CSMD2: variants seen among roughly 807,000 people sequenced by gnomAD.
CSMD2 encodes the protein CUB and sushi domain-containing protein 2.
In CSMD2, 130 loss-of-function variants were observed where a neutral mutation model predicts 398.5. That is an observed-to-expected ratio of 0.33 (90% CI 0.28 to 0.38). CSMD2 has a LOEUF of 0.38. Among genes scored for constraint, CSMD2 ranks in the 10% least tolerant of loss-of-function variants. The pLI, the probability that CSMD2 is intolerant of heterozygous loss-of-function variation, is 1.00. For missense variants in CSMD2, 3,829 were observed against 4,764.9 expected (o/e 0.80, Z 5.78); for synonymous variants, 1,828 against 1,908.5 (o/e 0.96, Z 1.10).
In CSMD2 at chr1:33,894,026, G is replaced by A. The variant is rs1021750069; in HGVS notation, c.920+24068C>T. 2.0e-5 allele frequency among the ~76,000 whole-genome samples: 3 copies of A among 152,284 alleles called. No individual in the cohort carries two copies. In the East Asian group the frequency reaches 5.8e-4, roughly 29 times the overall value. On this transcript the variant is annotated intron_variant, in intron 5 of 70. Coordinates refer to ENST00000373381, the MANE Select transcript of CSMD2 (RefSeq NM_001281956.2). ...GTCTGACAGTGGTGACAGGGACAGG[G>A]GGATTACTGTTAATGGGGCCACCTG...
rs1029959434 is a variant in CSMD2 at position 33,646,841 on chromosome 1, G to A, written c.4587-6C>T. On this transcript the variant is annotated splice_region_variant and splice_polypyrimidine_tract_variant and intron_variant, in intron 28 of 70. Transcript: ENST00000373381. ...AGCCAGGCTCCAGGTTAAAGCTGGG[G>A]AACAAAAACATCCCACCCCCACCCC... The A allele has an allele frequency of 1.2e-6, 2 of 1,605,162 alleles. No individual in the cohort carries two copies. The highest frequency in any genetic ancestry group is 1.3e-5 in the African/African-American group (1 of 74,730).
intron 25 of CSMD2, among the ~76,000 whole-genome samples, chr1:33,677,511 G>C (rs1300264949): frequency 6.6e-6 from 1 of 152,172 alleles, no homozygotes; most frequent in African/African-American, 2.4e-5. Flanking sequence ...CTGTTGGTGG[G>C]ACTGTAAACT....
intron 5 of CSMD2, chr1:33,864,059 G>T: frequency 1.2e-6 from 1 of 815,078 alleles, no homozygotes; most frequent in Non-Finnish European, 2.0e-6. Flanking sequence ...AAAAGGCTGA[G>T]CCCTGACTAC....
chr1:33,802,836 T>C (rs959134582), intron 10 of CSMD2, among the ~76,000 whole-genome samples: 1 of 152,188 alleles, frequency 6.6e-6, no homozygotes, highest in African/African-American at 2.4e-5. Flanking sequence ...TCTCCCTCTG[T>C]GCATATTTTT....
chr1:33,585,649 C>G (rs1284258903), intron 46 of CSMD2, among the ~76,000 whole-genome samples: 1 of 152,186 alleles, frequency 6.6e-6, no homozygotes, highest in Non-Finnish European at 1.5e-5. Flanking sequence ...TCTCAGGCCT[C>G]GTGGTCCTCT....
chr1:33,913,918 T>C (rs982936175), intron 5 of CSMD2, among the ~76,000 whole-genome samples: 2 of 152,062 alleles, frequency 1.3e-5, no homozygotes, highest in African/African-American at 4.8e-5. Flanking sequence ...GGCTTCACTT[T>C]GCTGATTTTC....
At chr1:33,571,495 C>A in intron 51 of CSMD2, 37 bp downstream of exon 51, 1 of 1,375,280 alleles carries the variant, frequency 7.3e-7, no homozygotes, top group Non-Finnish European at 9.6e-7. Flanking sequence ...TAGGAGGGAC[C>A]CTGCTAAACT....
chr1:33,776,461 G>A (rs1305408023), intron 12 of CSMD2, among the ~76,000 whole-genome samples: 1 of 152,140 alleles, frequency 6.6e-6, no homozygotes, highest in African/African-American at 2.4e-5. Context: ...TGAAGGTGAG[G>A]GACAAGTCAT....
chr1:34,088,545 A>G (rs1175434237), intron 2 of CSMD2, among the ~76,000 whole-genome samples: 1 of 152,244 alleles, frequency 6.6e-6, no homozygotes, highest in Non-Finnish European at 1.5e-5. Flanking sequence ...ATCCACAACC[A>G]AGGCCTTGGA....
intron 3 of CSMD2, among the ~76,000 whole-genome samples, chr1:33,961,469 T>C (rs1190348291): frequency 6.6e-6 from 1 of 152,190 alleles, no homozygotes; most frequent in Non-Finnish European, 1.5e-5. Flanking sequence ...GGTAATGTCA[T>C]GGTGTGGTTC....
At chr1:33,820,019 T>C (rs1296250052) in intron 8 of CSMD2, among the ~76,000 whole-genome samples, 182 bp from the exon 9 acceptor site, 3 of 152,336 alleles carry the variant, frequency 2.0e-5, no homozygotes, top group Non-Finnish European at 2.9e-5. Context: ...ATCTTCTTTT[T>C]TCGGACTGTT....
At chr1:33,972,901 G>A (rs1645823701) in intron 3 of CSMD2, among the ~76,000 whole-genome samples, 1 of 141,478 alleles carries the variant, frequency 7.1e-6, no homozygotes, top group Non-Finnish European at 1.5e-5. Context: ...GCTCTGCACA[G>A]GACCCGAAGC....
At chr1:33,919,036 T>C (rs1054618752) in intron 4 of CSMD2, among the ~76,000 whole-genome samples, 17 of 152,270 alleles carry the variant, frequency 1.1e-4, no homozygotes, top group African/African-American at 3.9e-4. Context: ...ACACTGGCTA[T>C]GGTATAAAGG....
intron 33 of CSMD2, among the ~76,000 whole-genome samples, chr1:33,625,680 C>G (rs1557642072): frequency 6.6e-6 from 1 of 152,170 alleles, no homozygotes. Context: ...TCCATGACCC[C>G]CAGTCTCCCC....
At chr1:33,747,056 G>T (rs1285294608) in intron 13 of CSMD2, among the ~76,000 whole-genome samples, 2 of 152,182 alleles carry the variant, frequency 1.3e-5, no homozygotes, top group Non-Finnish European at 2.9e-5. Flanking sequence ...ACAGAAAGCT[G>T]CTCTTAAATA....
intron 10 of CSMD2, among the ~76,000 whole-genome samples, chr1:33,803,077 T>C (rs982680282): frequency 1.3e-5 from 2 of 152,182 alleles, no homozygotes; most frequent in Non-Finnish European, 2.9e-5. Context: ...TCTAGCACTT[T>C]TCCAGCAAGA....
intron 56 of CSMD2, among the ~76,000 whole-genome samples, chr1:33,548,663 C>T (rs897582968): frequency 6.6e-6 from 1 of 152,202 alleles, no homozygotes; most frequent in Non-Finnish European, 1.5e-5. Flanking sequence ...GTGGTATATA[C>T]CTAATGTTAC....
intron 32 of CSMD2, among the ~76,000 whole-genome samples, chr1:33,631,678 C>G (rs1211625277): frequency 6.6e-6 from 1 of 152,054 alleles, no homozygotes; most frequent in Admixed American, 6.5e-5. Context: ...AATTATAGCA[C>G]CCTCCCAAGG....
In CSMD2 at chr1:33,679,251, G is replaced by C. The variant is rs185923775; in HGVS notation, c.4052+13679C>G. On this transcript the variant is annotated intron_variant, in intron 25 of 70. Coordinates refer to ENST00000373381, the MANE Select transcript of CSMD2 (RefSeq NM_001281956.2). ...AGAGTCTTGCTCTGTCACCAGGTTG[G>C]AGTGCAGTGGTGCCATCTTGGCTCA... Among the ~76,000 whole-genome samples, 356 of 144,342 alleles carry C rather than the reference G, an allele frequency of 2.5e-3. 2 individuals are homozygous for C. Among genetic ancestry groups the C allele is most frequent in the African/African-American group, 8.7e-3 (340 of 39,234 alleles). The allele number at this position is 144,342 out of a possible 152,430, so 94.7% of individuals were successfully genotyped here. A position where few individuals can be genotyped will look rare whatever the true frequency, so the allele number is the denominator to read the frequency against.
Sources: gnomAD v4.1 joint callset for allele counts (sites outside exome capture counted in the v4.1 genomes callset) on GRCh38, gnomAD v4.1.1 for gene constraint, MANE v1.5 for transcripts, NCBI Gene and HGNC (gene_info 2026-07-23, HGNC 2026-07-21) for gene names.